PDZRN4: variants seen among roughly 807,000 people sequenced by gnomAD.
The protein encoded by PDZRN4 is PDZ domain containing ring finger 4.
A neutral mutation model predicts 99.0 loss-of-function variants in PDZRN4; 70 were observed. The ratio of observed to expected loss-of-function variants is 0.71; its 90% CI spans 0.58 to 0.86. The LOEUF (loss-of-function observed/expected upper bound fraction) is 0.86, where lower values mean the gene tolerates loss of function less well. Among genes scored for constraint, PDZRN4 ranks in the 40% least tolerant of loss-of-function variants. PDZRN4 has a pLI of 0.00. For missense variants in PDZRN4, 1,474 were observed against 1,331.2 expected (o/e 1.11, Z -1.67); for synonymous variants, 551 against 501.6 (o/e 1.10, Z -1.32).
chr12:41,295,002 TAA>T (rs112139532), intron 3 of PDZRN4, among the ~76,000 whole-genome samples: 3 of 148,044 alleles, frequency 2.0e-5, no homozygotes, highest in East Asian at 2.0e-4. Flanking sequence ...CATAGACATG[TAA>T]AAAAAAAAAT....
At chr12:41,482,787 G>A (rs1384581703) in intron 3 of PDZRN4, among the ~76,000 whole-genome samples, 2 of 152,018 alleles carry the variant, frequency 1.3e-5, no homozygotes, top group African/African-American at 4.8e-5. Context: ...AATGGGATAG[G>A]AGAGTATACC....
At chr12:41,233,563 A>G (rs1412967965) in intron 3 of PDZRN4, among the ~76,000 whole-genome samples, 3 of 152,196 alleles carry the variant, frequency 2.0e-5, no homozygotes, top group Non-Finnish European at 4.4e-5. Flanking sequence ...GATAGACTGG[A>G]TAAAGAAAAT....
Position 41,506,630 on chromosome 12 carries a change from T to G in PDZRN4, c.1018T>G (p.Phe340Val), listed in dbSNP as rs764814766. The change falls in exon 4 of 10, where the codon TTC (phenylalanine) becomes GTC (valine). Residue 340 changes from phenylalanine to valine, a missense_variant. Physicochemically the swap from Phe to Val is conservative, Grantham distance 50. Transcript: ENST00000402685. ...TGCCAGCACTCAGACGGACATCACC[T>G]TCGAACACATCATGGCTCTGGCCAA... Reference protein sequence around the residue: ...MNASTQTDITFEHIMALAKLR... With the variant: ...MNASTQTDITVEHIMALAKLR... 1 of 1,613,912 alleles carries G rather than the reference T, an allele frequency of 6.2e-7. No individual in the cohort carries two copies.
At chr12:41,550,442 C>T (rs549257184) in intron 5 of PDZRN4, among the ~76,000 whole-genome samples, 1 of 152,216 alleles carries the variant, frequency 6.6e-6, no homozygotes, top group East Asian at 1.9e-4. Flanking sequence ...TGCTATAATT[C>T]CTTCCTAATG....
At chr12:41,198,166 C>T (rs1195360673) in intron 3 of PDZRN4, among the ~76,000 whole-genome samples, 3 of 152,102 alleles carry the variant, frequency 2.0e-5, no homozygotes, top group Non-Finnish European at 4.4e-5. Context: ...GACCTGTCCA[C>T]CTTGACCTCC....
rs536246838 is a variant in PDZRN4, at chr12:41,214,430, T to TAAAAAAAAAAAAA, written c.843+20250_843+20262dup. Among the ~76,000 whole-genome samples, 48 of 34,072 alleles carry TAAAAAAAAAAAAA rather than the reference T, an allele frequency of 1.4e-3. 6 individuals carry two copies. Among genetic ancestry groups the TAAAAAAAAAAAAA allele is most frequent in the African/African-American group, 2.9e-3 (35 of 12,064 alleles). The allele number at this position is 34,072 out of a possible 152,430, so 22.4% of individuals were successfully genotyped here. A position where few individuals can be genotyped will look rare whatever the true frequency, so the allele number is the denominator to read the frequency against. On this transcript the variant is annotated intron_variant, in intron 3 of 9. Coordinates refer to ENST00000402685, the MANE Select transcript of PDZRN4 (RefSeq NM_001164595.2). ...GGCAATAGAAGGAGACCCTGTCCCCTAAAAAAAAAAAAAAAAAAAAGTTAT... is the reference window on the plus strand; with the variant it reads ...GGCAATAGAAGGAGACCCTGTCCCCTAAAAAAAAAAAAAAAAAAAAAAAAAAAAAAAAAGTTAT...
intron 3 of PDZRN4, among the ~76,000 whole-genome samples, chr12:41,319,563 T>C (rs1951660866): frequency 6.6e-6 from 1 of 152,092 alleles, no homozygotes; most frequent in Non-Finnish European, 1.5e-5. Context: ...CCACAGCACC[T>C]TGGCACAAAT....
chr12:41,339,124 A>G (rs1243882253), intron 3 of PDZRN4, among the ~76,000 whole-genome samples: 1 of 111,294 alleles, frequency 9.0e-6, no homozygotes, highest in Non-Finnish European at 2.0e-5. Flanking sequence ...AGTCATTCCG[A>G]GCAAAAAAAA....
chr12:41,305,122 G>A (rs1301755868), intron 3 of PDZRN4, among the ~76,000 whole-genome samples: 17 of 152,132 alleles, frequency 1.1e-4, no homozygotes, highest in Non-Finnish European at 1.5e-5. Flanking sequence ...GCAGTAGAGG[G>A]GTGACATTAT....
At chr12:41,419,144 C>A (rs1952470543) in intron 3 of PDZRN4, among the ~76,000 whole-genome samples, 1 of 152,116 alleles carries the variant, frequency 6.6e-6, no homozygotes, top group Admixed American at 6.6e-5. Flanking sequence ...TTCTCCTGGG[C>A]TTCTTGTCTT....
chr12:41,322,085 G>T (rs553784498), intron 3 of PDZRN4, among the ~76,000 whole-genome samples: 1 of 151,906 alleles, frequency 6.6e-6, no homozygotes, highest in African/African-American at 2.4e-5. Flanking sequence ...AGGCTGCAGT[G>T]CAATGGCATG....
chr12:41,189,162 T>C, intron 1 of PDZRN4, 59 bp downstream of exon 1: 1 of 1,493,618 alleles, frequency 6.7e-7, no homozygotes, highest in Non-Finnish European at 9.0e-7. Flanking sequence ...AAAGGAGCGG[T>C]TCTTTCTGAC....
At chr12:41,322,980 A>G (rs1229718510) in intron 3 of PDZRN4, among the ~76,000 whole-genome samples, 1 of 152,126 alleles carries the variant, frequency 6.6e-6, no homozygotes, top group Non-Finnish European at 1.5e-5. Context: ...TGCTAGAGTA[A>G]TGAAAAACAT....
At chr12:41,536,768 A>C (rs1483221861) in intron 5 of PDZRN4, among the ~76,000 whole-genome samples, 12 of 151,886 alleles carry the variant, frequency 7.9e-5, no homozygotes, top group Non-Finnish European at 1.8e-4. Context: ...AAGTAAAAAA[A>C]AAAAACCCTT....
intron 3 of PDZRN4, among the ~76,000 whole-genome samples, chr12:41,232,385 T>C (rs1352044154): frequency 6.6e-6 from 1 of 152,068 alleles, no homozygotes; most frequent in Non-Finnish European, 1.5e-5. Flanking sequence ...AAAAAATTCC[T>C]TTGCTATTTT....
chr12:41,231,198 C>T (rs1348661640), intron 3 of PDZRN4, among the ~76,000 whole-genome samples: 1 of 152,074 alleles, frequency 6.6e-6, no homozygotes, highest in Admixed American at 6.6e-5. Context: ...CTGATTTAGA[C>T]TTGATAAGCC....
At chr12:41,528,757 G>A (rs1240770066) in intron 5 of PDZRN4, among the ~76,000 whole-genome samples, 1 of 152,046 alleles carries the variant, frequency 6.6e-6, no homozygotes, top group East Asian at 1.9e-4. Context: ...TTTACTTTCC[G>A]GCACACAGCA....
chr12:41,541,449 CTTTTT>C (rs66828349), intron 5 of PDZRN4, among the ~76,000 whole-genome samples: 4 of 137,362 alleles, frequency 2.9e-5, no homozygotes, highest in African/African-American at 8.2e-5. Flanking sequence ...TTCTTCTAGA[CTTTTT>C]TTTTTTTTTT....
rs141676889 is a variant in PDZRN4, at chr12:41,427,050, A to T, written c.844-79406A>T. ...TATGGTGAATAGGAAGTTCTCAGCA[A>T]ACATTTGCAGAACTTGGATGGTCCA... On this transcript the variant is annotated intron_variant, in intron 3 of 9. Transcript: ENST00000402685. Among the ~76,000 whole-genome samples the T allele has an allele frequency of 8.7e-3, 1,320 of 152,286 alleles. 22 individuals are homozygous for T. The highest frequency in any genetic ancestry group is 0.03 in the African/African-American group (1,267 of 41,548).
Sources: gnomAD v4.1 joint callset for allele counts (sites outside exome capture counted in the v4.1 genomes callset) on GRCh38, gnomAD v4.1.1 for gene constraint, MANE v1.5 for transcripts, NCBI Gene and HGNC (gene_info 2026-07-23, HGNC 2026-07-21) for gene names.